Variants in OPRM1 observed in about 807,000 individuals in gnomAD.
OPRM1 encodes mu-type opioid receptor.
In OPRM1, 27 loss-of-function variants were observed where a neutral mutation model predicts 31.8. That is an observed-to-expected ratio of 0.85 (90% CI 0.63 to 1.17). The LOEUF (loss-of-function observed/expected upper bound fraction) is 1.17. OPRM1 is among the 50% of genes most tolerant of loss of function. OPRM1 has a pLI of 0.00. For missense variants in OPRM1, 536 were observed against 511.1 expected, an observed-to-expected ratio of 1.05 and a Z score of -0.47; for synonymous variants, 196 against 189.9, an observed-to-expected ratio of 1.03 and a Z score of -0.26.
At chr6:154,209,414 GC>G (rs1485780120) in intron 3 of OPRM1, among the ~76,000 whole-genome samples, 1 of 152,028 alleles carries the variant, frequency 6.6e-6, no homozygotes, top group Admixed American at 6.5e-5. Context: ...ACTTTGGGAG[GC>G]CAAGGTGAGT....
rs1333169729 is a variant in OPRM1, at chr6:154,126,973, G to A, written c.*8252G>A. ...AAAAATACAAAATTAGGAAGGCGTG[G>A]TGGTGCACGCCTGTAATCCCAGCTA... is the stretch of plus-strand genomic sequence containing the variant. On this transcript the variant is annotated 3_prime_UTR_variant, in exon 4 of 4. Transcript: ENST00000330432. Among the ~76,000 whole-genome samples the A allele has an allele frequency of 1.3e-5, 2 of 152,150 alleles. No homozygotes were observed. Among genetic ancestry groups the A allele is most frequent in the Non-Finnish European group, 2.9e-5 (2 of 68,032 alleles).
intron 3 of OPRM1, among the ~76,000 whole-genome samples, chr6:154,205,203 G>A (rs1260957953): frequency 1.3e-5 from 2 of 152,050 alleles, no homozygotes; most frequent in African/African-American, 4.8e-5. Flanking sequence ...TTACTGCATT[G>A]TCCCTCTTCC....
intron 1 of OPRM1, among the ~76,000 whole-genome samples, chr6:154,057,927 G>A (rs909512295): frequency 2.6e-5 from 4 of 152,174 alleles, no homozygotes; most frequent in Admixed American, 2.0e-4. Flanking sequence ...TGATATTTAA[G>A]ATGTAACTAT....
intron 1 of OPRM1, among the ~76,000 whole-genome samples, chr6:154,042,137 C>T (rs1004336297): frequency 3.9e-5 from 6 of 152,170 alleles, no homozygotes; most frequent in African/African-American, 1.4e-4. Flanking sequence ...AAACACCCAC[C>T]TGTGGCAGGC....
chr6:154,014,564 G>A (rs1422737993), intron 1 of OPRM1, among the ~76,000 whole-genome samples: 3 of 149,590 alleles, frequency 2.0e-5, no homozygotes, highest in African/African-American at 7.4e-5. Flanking sequence ...CTTAAAATTT[G>A]CTTATGCTGA....
At position 154,122,031 on chromosome 6, in the gene OPRM1, C is replaced by T. The variant is rs529362178; in HGVS notation, c.*3310C>T. Among the ~76,000 whole-genome samples, 41 of 152,168 alleles carry T rather than the reference C, an allele frequency of 2.7e-4. No homozygotes were observed. Among genetic ancestry groups the T allele is most frequent in the African/African-American group, 4.8e-4 (20 of 41,446 alleles). ...TGGCACTAGAAATTTCTCCAGCTTA[C>T]GCCATGAATACTGCAGAAGCTGATA... On this transcript the variant is annotated 3_prime_UTR_variant, in exon 4 of 4. Coordinates refer to ENST00000330432, the MANE Select transcript of OPRM1 (RefSeq NM_000914.5).
intron 3 of OPRM1, among the ~76,000 whole-genome samples, chr6:154,104,632 T>C (rs982195160): frequency 1.3e-5 from 2 of 152,260 alleles, no homozygotes; most frequent in Non-Finnish European, 2.9e-5. Flanking sequence ...ACCATAGTTT[T>C]TGAAACATAA....
At chr6:154,076,051 G>A (rs1222287745) in intron 1 of OPRM1, among the ~76,000 whole-genome samples, 2 of 152,044 alleles carry the variant, frequency 1.3e-5, no homozygotes, top group African/African-American at 2.4e-5. Flanking sequence ...CATGTAGTAG[G>A]ATTTTACTTT....
chr6:154,107,528 G>A (rs1795766313), intron 3 of OPRM1: 1 of 718,544 alleles, frequency 1.4e-6, no homozygotes, highest in African/African-American at 1.7e-5. Flanking sequence ...CTACAATGCA[G>A]GGCAGTCTCC....
chr6:154,130,250 C>A lies in OPRM1; in HGVS notation c.*11529C>A, dbSNP rs1189474706. On this transcript the variant is annotated 3_prime_UTR_variant, in exon 4 of 4. Coordinates refer to ENST00000330432, the MANE Select transcript of OPRM1 (RefSeq NM_000914.5). ...GTGGCTCAATCTTGGCTCACTGCAA[C>A]CTCTGCCTCCCGGGTTCACACCATT... Among the ~76,000 whole-genome samples the A allele has an allele frequency of 6.6e-6, 1 of 150,504 alleles. No individual in the cohort carries two copies. Among genetic ancestry groups the A allele is most frequent in the African/African-American group, 2.5e-5 (1 of 40,802 alleles).
In OPRM1 at chr6:154,024,445, C is replaced by T. The variant is rs577935423; in HGVS notation, c.-1+13427C>T. On this transcript the variant is annotated intron_variant, in intron 1 of 5. Transcript: ENST00000434900. ...CTTCCCTCTTTTTTTCTTAGTTAGTCTGGCTAAAGGTTTGTCAATTTTGTT... is the reference window on the plus strand; with the variant it reads ...CTTCCCTCTTTTTTTCTTAGTTAGTTTGGCTAAAGGTTTGTCAATTTTGTT... Among the ~76,000 whole-genome samples the T allele has an allele frequency of 3.5e-3, 535 of 151,846 alleles. 3 individuals are homozygous for T. The highest frequency in any genetic ancestry group is 0.012 in the African/African-American group (509 of 41,454).
chr6:154,118,479 G>A (rs1448003090), intron 3 of OPRM1, among the ~76,000 whole-genome samples: 1 of 152,130 alleles, frequency 6.6e-6, no homozygotes, highest in Non-Finnish European at 1.5e-5. Flanking sequence ...CAAATGAAGA[G>A]CATATTCATA....
At chr6:154,159,515 G>T (rs1798847067) in intron 3 of OPRM1, 2 of 332,440 alleles carry the variant, frequency 6.0e-6, no homozygotes, top group South Asian at 8.1e-5. Flanking sequence ...GCATTCTCTG[G>T]AGAGCAATGA....
At chr6:154,011,088 G>A (rs769686797) in intron 1 of OPRM1, 10 of 1,258,306 alleles carry the variant, frequency 7.9e-6, no homozygotes, top group Non-Finnish European at 1.0e-5. Flanking sequence ...GGAGGAGTAA[G>A]GGCTGCTTGA....
At chr6:154,207,650 A>G (rs1210099471) in intron 3 of OPRM1, among the ~76,000 whole-genome samples, 1 of 151,842 alleles carries the variant, frequency 6.6e-6, no homozygotes, top group Admixed American at 6.6e-5. Context: ...CCATCCACCC[A>G]CCTTGGCCTG....
rs1464658496 is a variant in OPRM1 at position 154,039,377 on chromosome 6, G to T, written c.-168G>T. 2.4e-5 allele frequency: 37 copies of T among 1,545,314 alleles called. No homozygotes were observed. The highest frequency in any genetic ancestry group is 3.1e-5 in the Non-Finnish European group (35 of 1,143,032). ...GAGGAGAATGTCAGATGCTCAGCTCGGTCCCCTCCGCCTGACGCTCCTCTC... is the reference window on the plus strand; with the variant it reads ...GAGGAGAATGTCAGATGCTCAGCTCTGTCCCCTCCGCCTGACGCTCCTCTC... On this transcript the variant is annotated 5_prime_UTR_variant, in exon 1 of 4. Transcript: ENST00000330432.
At chr6:154,056,531 T>G (rs1244119125) in intron 1 of OPRM1, among the ~76,000 whole-genome samples, 3 of 151,606 alleles carry the variant, frequency 2.0e-5, no homozygotes, top group Non-Finnish European at 4.4e-5. Context: ...TCTGTCAACT[T>G]CCTAACTCAG....
At position 154,192,100 on chromosome 6, in the gene OPRM1, G is replaced by T. The variant is rs192394471; in HGVS notation, c.1165-54593G>T. ...ATATTACAAAGGGTTTCTGCATTATGCCTGCACTTCTCTAGGGGTATACAC... is the reference window on the plus strand; with the variant it reads ...ATATTACAAAGGGTTTCTGCATTATTCCTGCACTTCTCTAGGGGTATACAC... On this transcript the variant is annotated intron_variant, in intron 3 of 3. Coordinates refer to the OPRM1 transcript ENST00000337049. Among the ~76,000 whole-genome samples, 978 of 152,290 alleles carry T rather than the reference G, an allele frequency of 6.4e-3. 7 individuals carry two copies. Among genetic ancestry groups the T allele is most frequent in the Non-Finnish European group, 7.7e-3 (522 of 68,026 alleles).
chr6:154,160,178 C>T (rs759258928), intron 3 of OPRM1: 35 of 686,284 alleles, frequency 5.1e-5, no homozygotes, highest in Non-Finnish European at 7.8e-5. Context: ...GTTCTAATTC[C>T]AGCATTAAGC....
Sources: gnomAD v4.1 joint callset for allele counts (sites outside exome capture counted in the v4.1 genomes callset) on GRCh38, gnomAD v4.1.1 for gene constraint, MANE v1.5 for transcripts, NCBI Gene and HGNC (gene_info 2026-07-23, HGNC 2026-07-21) for gene names.